Variants in FTO observed in about 807,000 individuals in gnomAD.
FTO encodes the protein alpha-ketoglutarate-dependent dioxygenase FTO.
In FTO, 47 loss-of-function variants were observed where a neutral mutation model predicts 63.9. The observed-to-expected ratio is 0.74, with a 90% confidence interval of 0.58 to 0.94. The LOEUF is 0.94. Among genes scored for constraint, FTO ranks in the 40% least tolerant of loss-of-function variants. FTO has a pLI of 0.00. For missense variants in FTO, 562 were observed against 618.1 expected, an observed-to-expected ratio of 0.91 and a Z score of 0.96; for synonymous variants, 207 against 224.4, an observed-to-expected ratio of 0.92 and a Z score of 0.69.
At chr16:53,757,787 C>G (rs1210081770) in intron 1 of FTO, among the ~76,000 whole-genome samples, 1 of 152,092 alleles carries the variant, frequency 6.6e-6, no homozygotes, top group African/African-American at 2.4e-5. Flanking sequence ...TTCTTTCTTT[C>G]TCTCTCTGTC....
At chr16:54,093,175 G>A (rs2086434667) in intron 8 of FTO, among the ~76,000 whole-genome samples, 1 of 152,156 alleles carries the variant, frequency 6.6e-6, no homozygotes. Context: ...ATCCAACCCT[G>A]GCCCCGGAAC....
intron 7 of FTO, among the ~76,000 whole-genome samples, chr16:53,908,562 C>G (rs563173351): frequency 6.6e-6 from 1 of 152,336 alleles, no homozygotes; most frequent in Admixed American, 6.5e-5. Flanking sequence ...CTGGTGCCAT[C>G]CTCTTTGATA....
chr16:53,906,897 C>T (rs1354811105), intron 7 of FTO, among the ~76,000 whole-genome samples: 1 of 152,164 alleles, frequency 6.6e-6, no homozygotes, highest in African/African-American at 2.4e-5. Context: ...CCTCTCTCCA[C>T]CCCAGGTACC....
chr16:53,704,533 C>A (rs933532950), intron 1 of FTO, among the ~76,000 whole-genome samples: 1 of 152,202 alleles, frequency 6.6e-6, no homozygotes, highest in East Asian at 1.9e-4. Context: ...TTACCGGATT[C>A]TCAGATGACT....
intron 8 of FTO, among the ~76,000 whole-genome samples, chr16:54,095,318 G>T (rs2086492264): frequency 6.6e-6 from 1 of 152,156 alleles, no homozygotes; most frequent in South Asian, 2.1e-4. Flanking sequence ...GGGATTACAG[G>T]CGTGAGCCAC....
At chr16:54,094,924 C>A (rs768464338) in intron 8 of FTO, among the ~76,000 whole-genome samples, 70 of 152,138 alleles carry the variant, frequency 4.6e-4, no homozygotes, top group Non-Finnish European at 9.0e-4. Context: ...CGGCGGTTCC[C>A]CATCTCACTT....
intron 1 of FTO, among the ~76,000 whole-genome samples, chr16:53,748,957 G>A (rs950059867): frequency 1.3e-5 from 2 of 151,392 alleles, no homozygotes; most frequent in African/African-American, 4.9e-5. Context: ...GTAGAGACGA[G>A]GTTTCACCAT....
intron 1 of FTO, among the ~76,000 whole-genome samples, chr16:53,744,813 A>T (rs577998148): frequency 1.0e-5 from 1 of 96,090 alleles, no homozygotes; most frequent in South Asian, 3.2e-4. Context: ...ACAGGACTCT[A>T]AGGACTTTTC....
intron 1 of FTO, among the ~76,000 whole-genome samples, chr16:53,781,076 A>G (rs558231426): frequency 1.3e-5 from 2 of 152,348 alleles, no homozygotes; most frequent in South Asian, 4.1e-4. Context: ...CTGTGCCCCT[A>G]GAGCTTAGAA....
intron 8 of FTO, among the ~76,000 whole-genome samples, chr16:54,061,491 G>A (rs569132798): frequency 6.6e-5 from 10 of 151,930 alleles, no homozygotes; most frequent in Non-Finnish European, 1.2e-4. Flanking sequence ...TTTTAGGTTT[G>A]TTTTTCCAGT....
At chr16:53,792,005 G>A (rs914273645) in intron 1 of FTO, among the ~76,000 whole-genome samples, 4 of 151,858 alleles carry the variant, frequency 2.6e-5, no homozygotes, top group African/African-American at 9.7e-5. Flanking sequence ...GAACCCTGGA[G>A]GCGGAGCTTG....
At chr16:53,944,683 G>A (rs1046849299) in intron 8 of FTO, among the ~76,000 whole-genome samples, 4 of 152,092 alleles carry the variant, frequency 2.6e-5, no homozygotes, top group South Asian at 4.1e-4. Flanking sequence ...CAATTTTCTC[G>A]TTTGTTATTT....
At chr16:54,050,526 G>C (rs1389625167) in intron 8 of FTO, among the ~76,000 whole-genome samples, 1 of 152,128 alleles carries the variant, frequency 6.6e-6, no homozygotes, top group Non-Finnish European at 1.5e-5. Context: ...CAGCTGCTTT[G>C]GGTGAAAGAT....
At chr16:53,775,120 C>T (rs536307699) in intron 1 of FTO, among the ~76,000 whole-genome samples, 3 of 152,256 alleles carry the variant, frequency 2.0e-5, no homozygotes, top group East Asian at 1.9e-4. Flanking sequence ...CATAGGAAGG[C>T]ACAATAAGAG....
chr16:54,064,406 G>A (rs962678842), intron 8 of FTO, among the ~76,000 whole-genome samples: 1 of 152,122 alleles, frequency 6.6e-6, no homozygotes, highest in Admixed American at 6.6e-5. Flanking sequence ...CCTGGGTTCT[G>A]AGTTTGACAT....
At chr16:53,842,102 G>T (rs2079494383) in intron 3 of FTO, among the ~76,000 whole-genome samples, 1 of 152,156 alleles carries the variant, frequency 6.6e-6, no homozygotes, top group Admixed American at 6.5e-5. Context: ...TGAACTAAAA[G>T]AACATTTTGT....
intron 8 of FTO, among the ~76,000 whole-genome samples, chr16:54,031,938 A>G (rs1256133017): frequency 6.6e-6 from 1 of 152,174 alleles, no homozygotes; most frequent in Non-Finnish European, 1.5e-5. Context: ...GAGAGTGGGA[A>G]TAAGGTAGTG....
At chr16:53,979,086 G>A (rs868219459) in intron 8 of FTO, among the ~76,000 whole-genome samples, 1 of 151,746 alleles carries the variant, frequency 6.6e-6, no homozygotes, top group Non-Finnish European at 1.5e-5. Context: ...TTTTAAAATC[G>A]TTATACTCTT....
intron 7 of FTO, chr16:53,911,370 A>C: frequency 1.4e-6 from 1 of 703,252 alleles, no homozygotes; most frequent in Non-Finnish European, 2.6e-6. Flanking sequence ...GACCAGGAGT[A>C]GGTGGTAGAA....
Sources: allele counts gnomAD v4.1 joint callset (sites outside exome capture counted in the v4.1 genomes callset), GRCh38; gene constraint gnomAD v4.1.1; transcripts MANE v1.5; gene names NCBI Gene and HGNC (gene_info 2026-07-23, HGNC 2026-07-21).